Variants in ZNF343 observed in about 807,000 individuals in gnomAD.
ZNF343 encodes zinc finger protein 343.
ZNF343 carries 11 observed loss-of-function variants against 13.8 expected under a neutral mutation model. That is an observed-to-expected ratio of 0.80 (90% CI 0.50 to 1.32). The LOEUF is 1.32. ZNF343 is among the 40% of genes most tolerant of loss of function. The pLI, the probability that ZNF343 is intolerant of heterozygous loss-of-function variation, is 0.00. For synonymous variants in ZNF343, 248 were observed against 260.0 expected (o/e 0.95, Z 0.44); for missense variants, 658 against 714.2 (o/e 0.92, Z 0.90).
chr20:2,492,731 A>G lies in ZNF343; in HGVS notation c.272T>C (p.Met91Thr), dbSNP rs775807207. 2.5e-6 allele frequency: 4 copies of G among 1,611,248 alleles called. No individual in the cohort carries two copies. The highest frequency in any genetic ancestry group is 4.5e-5 in the East Asian group (2 of 44,852). Reference sequence around the variant, plus strand: ...GAGAAGATTCCTGTAATTCTCCAGCATCACTTCTTTGTATAGATTCCTCTG... The same window carrying G: ...GAGAAGATTCCTGTAATTCTCCAGCGTCACTTCTTTGTATAGATTCCTCTG... The part of the protein sequence containing the change: ...PEQRNLYKEV[M>T]LENYRNLLSL... The change falls in exon 5 of 6, where the codon ATG (methionine) becomes ACG (threonine). Residue 91 changes from methionine (M) to threonine (T), a missense_variant. Transcript: ENST00000278772.
chr20:2,488,400 A>G lies in ZNF343; in HGVS notation c.305-3744T>C, dbSNP rs542670259. Among the ~76,000 whole-genome samples the G allele has an allele frequency of 1.2e-3, 180 of 151,880 alleles. 1 individual carries two copies. Among genetic ancestry groups the G allele is most frequent in the African/African-American group, 4.1e-3 (169 of 41,406 alleles). ...TCCATCTTTACTCCAGGAATTTGAG[A>G]TGCCACCTTCATCACATACCAAAGT... On this transcript the variant is annotated intron_variant, in intron 5 of 5. Transcript: ENST00000278772.
chr20:2,487,150 G>C (rs985061317), intron 5 of ZNF343, among the ~76,000 whole-genome samples: 7 of 152,162 alleles, frequency 4.6e-5, no homozygotes, highest in African/African-American at 1.7e-4. Context: ...ACCTGTGGTC[G>C]TGTTATTATT....
intron 1 of ZNF343, among the ~76,000 whole-genome samples, chr20:2,519,529 C>G (rs925756393): frequency 1.3e-5 from 2 of 152,194 alleles, no homozygotes; most frequent in Non-Finnish European, 2.9e-5. Context: ...GGGGCTCCAG[C>G]CTGCCAGCCT....
Position 2,518,607 on chromosome 20 carries a change from T to G in ZNF343, c.-347+5848A>C, listed in dbSNP as rs1287837002. ...CACACTCACTCACAACCTACAACCC[T>G]CCCTTACAGACACTACCTTCCAACA... On this transcript the variant is annotated intron_variant, in intron 1 of 6. Transcript: ENST00000358413. The surrounding 1 kb of genome is among the most constrained non-coding windows in gnomAD (Gnocchi z 4.6). 2.0e-5 allele frequency among the ~76,000 whole-genome samples: 3 copies of G among 152,018 alleles called. No homozygotes were observed. Among genetic ancestry groups the G allele is most frequent in the Non-Finnish European group, 4.4e-5 (3 of 67,994 alleles).
At position 2,483,481 on chromosome 20, in the gene ZNF343, C is replaced by T; in HGVS notation, c.1480G>A (p.Val494Ile). 2 of 1,612,156 alleles carry T rather than the reference C, an allele frequency of 1.2e-6. No individual in the cohort carries two copies. The highest frequency in any genetic ancestry group is 1.7e-6 in the Non-Finnish European group (2 of 1,179,450). Residue 494 changes from valine (V) to isoleucine (I), a missense_variant, in exon 6 of 6, where the codon GTC becomes ATC. By Grantham distance (29) the Val-to-Ile change is conservative. Coordinates refer to ENST00000278772, the MANE Select transcript of ZNF343 (RefSeq NM_024325.6). ...AAACCTCGCCTACACTCCCTGCAGA[C>T]ATAATGCTTCTCCCCTGAGTGTGTC... is the stretch of plus-strand genomic sequence containing the variant. ...QRTHSGEKHY[V>I]CRECRRGFSQ...
chr20:2,492,515 GTA>G (rs1406587943), intron 5 of ZNF343, among the ~76,000 whole-genome samples, 182 bp downstream of exon 5: 2 of 150,846 alleles, frequency 1.3e-5, no homozygotes, highest in East Asian at 3.8e-4. Context: ...TAATATCCCT[GTA>G]TATGAGGCTT....
intron 5 of ZNF343, among the ~76,000 whole-genome samples, chr20:2,487,860 T>C (rs2085304976): frequency 6.6e-6 from 1 of 152,264 alleles, no homozygotes; most frequent in Non-Finnish European, 1.5e-5. Context: ...GCCAATGGTA[T>C]GTTAAGAATG....
At chr20:2,496,754 C>G (rs2085465907) in intron 2 of ZNF343, among the ~76,000 whole-genome samples, 1 of 152,172 alleles carries the variant, frequency 6.6e-6, no homozygotes, top group Admixed American at 6.5e-5. Flanking sequence ...AAAGACAATT[C>G]TAGTATTTTT....
At position 2,483,939 on chromosome 20, in the gene ZNF343, T is replaced by C. The variant is rs749289068; in HGVS notation, c.1022A>G (p.Asn341Ser). ...GQSFRSKSIL[N>S]RHQWTHSEEK... ...CTCTGAGTGAGTCCACTGATGTCTA[T>C]TGAGGATGGACTTACTTCTAAAGCT... The change falls in exon 6 of 6, where the codon AAT becomes AGT. Residue 341 changes from asparagine (N) to serine (S), a missense_variant. Physicochemically the swap from Asn to Ser is conservative, Grantham distance 46 (BLOSUM62 1). Coordinates refer to ENST00000278772, the MANE Select transcript of ZNF343 (RefSeq NM_024325.6). 28 of 1,612,966 alleles carry C rather than the reference T, an allele frequency of 1.7e-5. No homozygotes were observed. The East Asian group carries it at 2.0e-4, about 12-fold the overall frequency.
rs1285788238 is a variant in ZNF343, at chr20:2,493,527, G to T, written c.169C>A (p.Gln57Lys). 1.2e-6 allele frequency: 2 copies of T among 1,613,334 alleles called. No homozygotes were observed. The highest frequency in any genetic ancestry group is 1.7e-6 in the Non-Finnish European group (2 of 1,179,628). ...DCPQKKEGKAQIVVPVTFRDV... is the reference protein window; with the variant it reads ...DCPQKKEGKAKIVVPVTFRDV... ...ATGTAACCCCAACTCACCACTATTT[G>T]GGCCTTTCCCTCCTTTTTCTGGGGG... The change falls in exon 4 of 6, where the codon CAA becomes AAA. Residue 57 changes from glutamine to lysine, a missense_variant. Physicochemically the swap from Gln to Lys is moderately conservative, Grantham distance 53 (BLOSUM62 1). Coordinates refer to ENST00000278772, the MANE Select transcript of ZNF343 (RefSeq NM_024325.6).
chr20:2,482,920 T>A lies in ZNF343; in HGVS notation c.*241A>T. On this transcript the variant is annotated 3_prime_UTR_variant, in exon 6 of 6. Transcript: ENST00000278772. ...CCTACACATAAACTTCTCTCCTAAG[T>A]GTGTCCTTTTGTGCATGCTCAAGGC... 2 of 535,610 alleles carry A rather than the reference T, an allele frequency of 3.7e-6. No homozygotes were observed. The highest frequency in any genetic ancestry group is 4.9e-4 in the Middle Eastern group (1 of 2,028). The allele number at this position is 535,610 out of a possible 1,614,324, so 33.2% of individuals were successfully genotyped here.
intron 5 of ZNF343, 51 bp from the exon 6 acceptor site, chr20:2,484,707 T>G (rs776926050): frequency 6.7e-7 from 1 of 1,498,962 alleles, no homozygotes; most frequent in East Asian, 2.3e-5. Flanking sequence ...GGCTGCTGAG[T>G]TGTTCTGCCT....
rs149316989 is a variant in ZNF343, at chr20:2,483,426, T to C, written c.1535A>G (p.Gln512Arg). The change falls in exon 6 of 6, where the codon CAG becomes CGG. Residue 512 changes from glutamine to arginine, a missense_variant. Transcript: ENST00000278772. ...AGGCTTCTCATTTGAGTGCGTCCTC[T>C]GGTGTCTGATGAGATTTGACTTCTG... Reference protein sequence around the residue: ...FSQKSNLIRHQRTHSNEKPYI... With the variant: ...FSQKSNLIRHRRTHSNEKPYI... 1.2e-4 allele frequency: 186 copies of C among 1,611,420 alleles called. 1 individual carries two copies. The highest frequency in any genetic ancestry group is 1.1e-3 in the Admixed American group (67 of 59,516).
At chr20:2,484,726 G>C in intron 5 of ZNF343, 70 bp from the exon 6 acceptor site, 1 of 1,418,964 alleles carries the variant, frequency 7.0e-7, no homozygotes, top group Non-Finnish European at 9.5e-7. Flanking sequence ...CTTGTCTTAG[G>C]ACAGAGAATG....
rs1412832887 is a variant in ZNF343, at chr20:2,518,027, T to A, written c.-347+6428A>T. Among the ~76,000 whole-genome samples, 2 of 151,800 alleles carry A rather than the reference T, an allele frequency of 1.3e-5. No homozygotes were observed. The highest frequency in any genetic ancestry group is 2.9e-5 in the Non-Finnish European group (2 of 67,924). On this transcript the variant is annotated intron_variant, in intron 1 of 6. Coordinates refer to the ZNF343 transcript ENST00000358413. The surrounding 1 kb of genome is among the most constrained non-coding windows in gnomAD (Gnocchi z 4.6). ...TTTTTCCTTTTTTCTCTCTTTTTTT[T>A]TTTCGAGACAGAGTCTCACTCTGTT...
chr20:2,519,262 T>A (rs2085772790), intron 1 of ZNF343, among the ~76,000 whole-genome samples: 1 of 152,020 alleles, frequency 6.6e-6, no homozygotes, highest in South Asian at 2.1e-4. Context: ...TTTACTACGC[T>A]CTCATAATGA....
At chr20:2,506,788 C>T (rs2085665560) in intron 1 of ZNF343, among the ~76,000 whole-genome samples, 1 of 151,890 alleles carries the variant, frequency 6.6e-6, no homozygotes, top group African/African-American at 2.4e-5. Flanking sequence ...CACCCCGGGG[C>T]CTGTTGTGGG....
intron 5 of ZNF343, among the ~76,000 whole-genome samples, chr20:2,489,700 A>G (rs920405329): frequency 1.6e-4 from 24 of 152,212 alleles, no homozygotes; most frequent in Admixed American, 4.6e-4. Context: ...ATAAGCCACT[A>G]AAGTATTGGG....
chr20:2,504,728 A>C (rs895981915), intron 1 of ZNF343, among the ~76,000 whole-genome samples: 2 of 152,228 alleles, frequency 1.3e-5, no homozygotes, highest in Non-Finnish European at 2.9e-5. Context: ...AGATTCAGAA[A>C]AGGCCTTTGA....
Sources: allele counts gnomAD v4.1 joint callset (sites outside exome capture counted in the v4.1 genomes callset), GRCh38; gene constraint gnomAD v4.1.1; non-coding constraint Gnocchi (gnomAD v3.1); transcripts MANE v1.5; gene names NCBI Gene and HGNC (gene_info 2026-07-23, HGNC 2026-07-21).